The following OPRM1 variants were observed in gnomAD, a reference collection of about 807,000 sequenced individuals.
The protein encoded by OPRM1 is opioid receptor mu 1, also known as mu-type opioid receptor.
A neutral mutation model predicts 31.8 loss-of-function variants in OPRM1; 27 were observed. That is an observed-to-expected ratio of 0.85 (90% confidence interval 0.63 to 1.17). OPRM1 has a LOEUF of 1.17. OPRM1 is among the 50% of genes most tolerant of loss of function. The pLI, the probability that OPRM1 is intolerant of heterozygous loss-of-function variation, is 0.00. For missense variants in OPRM1, 536 were observed against 511.1 expected, an observed-to-expected ratio of 1.05 and a Z score of -0.47; for synonymous variants, 196 against 189.9, an observed-to-expected ratio of 1.03 and a Z score of -0.26.
Position 154,128,209 on chromosome 6 carries a change from G to A in OPRM1, c.*9488G>A, listed in dbSNP as rs1277837228. On this transcript the variant is annotated 3_prime_UTR_variant, in exon 4 of 4. Coordinates refer to ENST00000330432, the MANE Select transcript of OPRM1 (RefSeq NM_000914.5). ...GAAAATAACAATAAGAAAAACTGGT[G>A]TTTACCTGAAGATCTGCCCAGTGAT... is the stretch of plus-strand genomic sequence containing the variant. 1.3e-5 allele frequency among the ~76,000 whole-genome samples: 2 copies of A among 152,134 alleles called. No homozygotes were observed. Among genetic ancestry groups the A allele is most frequent in the Admixed American group, 1.3e-4 (2 of 15,268 alleles).
chr6:154,055,876 C>T (rs1021236758), intron 1 of OPRM1, among the ~76,000 whole-genome samples: 2 of 152,170 alleles, frequency 1.3e-5, no homozygotes, highest in African/African-American at 4.8e-5. Context: ...GAAAGAATCT[C>T]AAGCAGGATC....
At chr6:154,084,124 G>A in intron 1 of OPRM1, among the ~76,000 whole-genome samples, 1 of 151,922 alleles carries the variant, frequency 6.6e-6, no homozygotes. Flanking sequence ...TTCCTTTCCC[G>A]TCGCAGGATT....
chr6:154,214,346 G>C, intron 3 of OPRM1: 1 of 1,040,628 alleles, frequency 9.6e-7, no homozygotes, highest in Non-Finnish European at 1.5e-6. Context: ...TTCCCCCAGA[G>C]TTTGTTATGA....
At chr6:154,040,168 A>G (rs751408445) in intron 1 of OPRM1, among the ~76,000 whole-genome samples, 3 of 152,100 alleles carry the variant, frequency 2.0e-5, no homozygotes, top group Non-Finnish European at 4.4e-5. Context: ...GGCTCTTGGC[A>G]GAGTCCTACA....
intron 3 of OPRM1, chr6:154,223,163 A>G (rs1381927692): frequency 1.9e-6 from 3 of 1,610,368 alleles, no homozygotes; most frequent in Non-Finnish European, 2.5e-6. Flanking sequence ...GATGAGAGAC[A>G]ACTTACTGCT....
chr6:154,084,062 C>G (rs1789876096), intron 1 of OPRM1, among the ~76,000 whole-genome samples: 2 of 150,262 alleles, frequency 1.3e-5, no homozygotes, highest in Non-Finnish European at 3.0e-5. Context: ...TGCTTAATTT[C>G]ATACAGGCCT....
intron 3 of OPRM1, among the ~76,000 whole-genome samples, chr6:154,235,897 G>A (rs1226250536): frequency 6.6e-6 from 1 of 152,194 alleles, no homozygotes; most frequent in East Asian, 1.9e-4. Flanking sequence ...TTAATTAAGT[G>A]ACAAGCACTG....
chr6:154,111,164 T>C (rs989120205), intron 3 of OPRM1, among the ~76,000 whole-genome samples: 12 of 152,182 alleles, frequency 7.9e-5, no homozygotes, highest in African/African-American at 2.9e-4. Flanking sequence ...CCTTGTACTA[T>C]AGATTCCATA....
In OPRM1 at chr6:154,129,754, T is replaced by A. The variant is rs1193186926; in HGVS notation, c.*11033T>A. On this transcript the variant is annotated 3_prime_UTR_variant, in exon 4 of 4. Coordinates refer to ENST00000330432, the MANE Select transcript of OPRM1 (RefSeq NM_000914.5). ...AGCTGCTCAAGCTTTTGAAGACTCC[T>A]GTGATTTTTTTAAATGGCTGGTTTG... Among the ~76,000 whole-genome samples the A allele has an allele frequency of 6.6e-6, 1 of 151,988 alleles. No individual in the cohort carries two copies. Among genetic ancestry groups the A allele is most frequent in the East Asian group, 1.9e-4 (1 of 5,194 alleles).
rs1797370560 is a variant in OPRM1 at position 154,122,707 on chromosome 6, G to A, written c.*3986G>A. 6.6e-6 allele frequency among the ~76,000 whole-genome samples: 1 copy of A among 152,172 alleles called. No homozygotes were observed. Among genetic ancestry groups the A allele is most frequent in the East Asian group, 1.9e-4 (1 of 5,204 alleles). ...ATAGCTTTGTGAGCTGCAGTGTGTG[G>A]CAAATGTTCAACCTTTTGTTATGCA... On this transcript the variant is annotated 3_prime_UTR_variant, in exon 4 of 4. Coordinates refer to ENST00000330432, the MANE Select transcript of OPRM1 (RefSeq NM_000914.5).
intron 1 of OPRM1, among the ~76,000 whole-genome samples, chr6:154,083,193 T>C (rs1274649558): frequency 6.6e-6 from 1 of 152,194 alleles, no homozygotes; most frequent in Non-Finnish European, 1.5e-5. Context: ...TGCAATGACA[T>C]TCGGCCATGT....
chr6:154,033,162 T>C (rs770793419), intron 1 of OPRM1, among the ~76,000 whole-genome samples: 35 of 152,104 alleles, frequency 2.3e-4, no homozygotes, highest in Non-Finnish European at 4.7e-4. Flanking sequence ...AAGTAATTTT[T>C]AAAAATAAAG....
chr6:154,066,267 G>A (rs1042404532), intron 1 of OPRM1, among the ~76,000 whole-genome samples: 1 of 152,020 alleles, frequency 6.6e-6, no homozygotes. Context: ...TGATGTTAGG[G>A]TAATGCTGGC....
chr6:154,068,070 A>C (rs1013775880), intron 1 of OPRM1, among the ~76,000 whole-genome samples: 5 of 152,046 alleles, frequency 3.3e-5, no homozygotes, highest in African/African-American at 1.2e-4. Flanking sequence ...CATTTTCTTA[A>C]ATTTTAATAG....
chr6:154,176,227 G>T (rs1291044262), intron 3 of OPRM1, among the ~76,000 whole-genome samples: 1 of 152,140 alleles, frequency 6.6e-6, no homozygotes, highest in East Asian at 1.9e-4. Flanking sequence ...TACTGAATGG[G>T]CAAAAACTGG....
At chr6:154,200,873 A>G (rs953413906) in intron 3 of OPRM1, among the ~76,000 whole-genome samples, 1 of 152,190 alleles carries the variant, frequency 6.6e-6, no homozygotes, top group African/African-American at 2.4e-5. Flanking sequence ...AACATCACCA[A>G]TGATATGGTT....
intron 3 of OPRM1, chr6:154,158,929 A>C (rs1798820618): frequency 6.6e-6 from 1 of 152,094 alleles, no homozygotes; most frequent in African/African-American, 2.4e-5. Flanking sequence ...TTTTTGAGTA[A>C]AGATATTAAA....
chr6:154,048,691 A>G (rs1562398349), intron 1 of OPRM1, among the ~76,000 whole-genome samples: 1 of 152,328 alleles, frequency 6.6e-6, no homozygotes, highest in East Asian at 1.9e-4. Flanking sequence ...CACTTTGTTC[A>G]TGCATATTTA....
At chr6:154,011,891 G>T (rs1373247591) in intron 1 of OPRM1, among the ~76,000 whole-genome samples, 2 of 152,058 alleles carry the variant, frequency 1.3e-5, no homozygotes, top group African/African-American at 4.8e-5. Flanking sequence ...AAATAAAAAG[G>T]GTGATACTTT....
Sources: allele counts gnomAD v4.1 joint callset (sites outside exome capture counted in the v4.1 genomes callset), GRCh38; gene constraint gnomAD v4.1.1; transcripts MANE v1.5; gene names NCBI Gene and HGNC (gene_info 2026-07-23, HGNC 2026-07-21).